Variants in EFL1 observed in about 807,000 individuals in gnomAD.
EFL1 encodes elongation factor like GTPase 1, also known as elongation factor-like GTPase 1.
Under a neutral mutation model 126.7 loss-of-function variants are expected in EFL1, and 76 were observed. The ratio of observed to expected loss-of-function variants is 0.60; its 90% CI spans 0.50 to 0.73. The LOEUF is 0.73. EFL1 is among the 30% of genes least tolerant of loss of function. The pLI, the probability that EFL1 is intolerant of heterozygous loss-of-function variation, is 0.00. For synonymous variants in EFL1, 410 were observed against 448.4 expected, an observed-to-expected ratio of 0.91 and a Z score of 1.08; for missense variants, 1,128 against 1,343.2, an observed-to-expected ratio of 0.84 and a Z score of 2.50.
chr15:82,140,343 A>G (rs1567037465), intron 18 of EFL1, among the ~76,000 whole-genome samples: 1 of 151,468 alleles, frequency 6.6e-6, no homozygotes, highest in African/African-American at 2.4e-5. Context: ...TTTTCCCCCA[A>G]TTTTCATTCT....
In EFL1 at chr15:82,227,582, A is replaced by G. The variant is rs745562964; in HGVS notation, c.1070-10T>C. The G allele has an allele frequency of 2.5e-6, 4 of 1,614,096 alleles. No individual in the cohort carries two copies. Among genetic ancestry groups the G allele is most frequent in the Non-Finnish European group, 2.5e-6 (3 of 1,179,958 alleles). On this transcript the variant is annotated splice_polypyrimidine_tract_variant and intron_variant, in intron 10 of 19. Coordinates refer to ENST00000268206, the MANE Select transcript of EFL1 (RefSeq NM_024580.6). Reference sequence around the variant, plus strand: ...TTCTGACACACCATAGCTGAAGTCTATTGTTAAGGACTGAAAACCTTGAGC... The same window carrying G: ...TTCTGACACACCATAGCTGAAGTCTGTTGTTAAGGACTGAAAACCTTGAGC...
chr15:82,185,605 T>C (rs1438157537), intron 15 of EFL1, among the ~76,000 whole-genome samples: 2 of 151,946 alleles, frequency 1.3e-5, no homozygotes, highest in Non-Finnish European at 2.9e-5. Flanking sequence ...ATAAAAAGCT[T>C]TTACCAATAA....
At chr15:82,230,662 G>T (rs1438366039) in intron 8 of EFL1, among the ~76,000 whole-genome samples, 186 bp downstream of exon 8, 2 of 152,088 alleles carry the variant, frequency 1.3e-5, no homozygotes, top group African/African-American at 4.8e-5. Flanking sequence ...AAAGGACTAA[G>T]AATTCTGTAT....
chr15:82,157,839 T>C lies in EFL1; in HGVS notation c.1904A>G (p.Lys635Arg). The C allele has an allele frequency of 1.9e-6, 3 of 1,613,190 alleles. No homozygotes were observed. The South Asian group carries it at 3.3e-5, about 18-fold the overall frequency. The change falls in exon 17 of 20, where the codon AAA (lysine) becomes AGA (arginine). Residue 635 changes from lysine (K) to arginine (R), a missense_variant. Around this residue, in one of 6 missense-constraint regions of EFL1, gnomAD observed 561 missense variants for 641.7 expected, o/e 0.87. Coordinates refer to ENST00000268206, the MANE Select transcript of EFL1 (RefSeq NM_024580.6). ...KHPSEMPQLV[K>R]GMKLLNQADP... ...AGCCTGGTTTAACAGTTTCATTCCTTTTACGAGCTGAGGCATTTCACCTAG... is the reference window on the plus strand; with the variant it reads ...AGCCTGGTTTAACAGTTTCATTCCTCTTACGAGCTGAGGCATTTCACCTAG...
chr15:82,187,501 C>T (rs1459167266), intron 15 of EFL1, among the ~76,000 whole-genome samples: 1 of 152,044 alleles, frequency 6.6e-6, no homozygotes, highest in Non-Finnish European at 1.5e-5. Flanking sequence ...AGCTTGTGCA[C>T]ATTATATTTT....
At chr15:82,205,450 C>T (rs1382410064) in intron 15 of EFL1, among the ~76,000 whole-genome samples, 1 of 152,046 alleles carries the variant, frequency 6.6e-6, no homozygotes, top group African/African-American at 2.4e-5. Flanking sequence ...GTATTATTGA[C>T]CATTTAAGTT....
intron 15 of EFL1, among the ~76,000 whole-genome samples, chr15:82,188,102 TCTAC>T (rs1489832390): frequency 1.3e-5 from 2 of 152,178 alleles, no homozygotes; most frequent in South Asian, 2.1e-4. Context: ...TGAAATTTCC[TCTAC>T]CTAACACTAA....
chr15:82,138,430 A>ATGTGTGTATGTGTGTG (rs2073747426), intron 19 of EFL1, among the ~76,000 whole-genome samples: 1 of 146,014 alleles, frequency 6.8e-6, no homozygotes, highest in East Asian at 2.0e-4. Flanking sequence ...GAGAGAGTGT[A>ATGTGTGTATGTGTGTG]TGTGTGTGTG....
Position 82,193,325 on chromosome 15 carries a change from A to G in EFL1, c.1750+21392T>C, listed in dbSNP as rs577298153. Among the ~76,000 whole-genome samples, 7 of 152,346 alleles carry G rather than the reference A, an allele frequency of 4.6e-5. No homozygotes were observed. In the East Asian group the frequency reaches 1.4e-3, roughly 29 times the overall value. On this transcript the variant is annotated intron_variant, in intron 15 of 19. Coordinates refer to ENST00000268206, the MANE Select transcript of EFL1 (RefSeq NM_024580.6). ...ACCACCATCAGATATTAGACACTGT[A>G]TTAAGCAGCTATGCAGTAACTTAGG...
At chr15:82,216,496 T>C (rs2074648122) in intron 14 of EFL1, among the ~76,000 whole-genome samples, 4 of 152,030 alleles carry the variant, frequency 2.6e-5, no homozygotes, top group South Asian at 4.1e-4. Flanking sequence ...CAGCACTGAA[T>C]AGAGATAGTT....
chr15:82,211,244 C>T (rs1246583617), intron 15 of EFL1, among the ~76,000 whole-genome samples: 2 of 151,836 alleles, frequency 1.3e-5, no homozygotes, highest in East Asian at 1.9e-4. Flanking sequence ...ACCAGACTCT[C>T]GGCTGGGCGC....
intron 15 of EFL1, among the ~76,000 whole-genome samples, chr15:82,195,560 G>A (rs1188361029): frequency 1.3e-5 from 2 of 152,132 alleles, no homozygotes; most frequent in Non-Finnish European, 2.9e-5. Flanking sequence ...TAATAAGCTG[G>A]ACCTCCAGTC....
At chr15:82,158,711 C>T (rs8042461) in intron 16 of EFL1, among the ~76,000 whole-genome samples, 5,506 of 152,308 alleles carry the variant, frequency 0.036, 149 homozygotes, top group African/African-American at 0.076. Flanking sequence ...TGATTTTCAA[C>T]ATGCCTTATA....
intron 15 of EFL1, among the ~76,000 whole-genome samples, chr15:82,212,248 T>C (rs145583665): frequency 0.017 from 2,568 of 152,376 alleles, 33 homozygotes; most frequent in South Asian, 0.031. Context: ...TTTAGGATTA[T>C]GACAAATCCC....
intron 19 of EFL1, among the ~76,000 whole-genome samples, chr15:82,132,222 C>T (rs1236454908): frequency 7.2e-5 from 11 of 152,102 alleles, no homozygotes; most frequent in Admixed American, 7.2e-4. Context: ...TGCCTGTGTC[C>T]TGGTGCTGAG....
chr15:82,181,405 T>C (rs1009677134), intron 15 of EFL1, among the ~76,000 whole-genome samples: 1 of 152,230 alleles, frequency 6.6e-6, no homozygotes, highest in African/African-American at 2.4e-5. Context: ...CTGATATACA[T>C]TCACTATCCT....
intron 15 of EFL1, among the ~76,000 whole-genome samples, chr15:82,186,839 A>G (rs2074308810): frequency 6.6e-6 from 1 of 152,012 alleles, no homozygotes; most frequent in Non-Finnish European, 1.5e-5. Context: ...CTCTTTGATG[A>G]TCGAGGCTTG....
intron 15 of EFL1, among the ~76,000 whole-genome samples, chr15:82,209,188 A>C (rs2141290014): frequency 6.6e-6 from 1 of 152,314 alleles, no homozygotes; most frequent in Middle Eastern, 3.4e-3. Context: ...AGTATCACAA[A>C]GTCTTAAGAA....
intron 15 of EFL1, among the ~76,000 whole-genome samples, chr15:82,199,952 G>A (rs1045363103): frequency 6.6e-6 from 1 of 152,140 alleles, no homozygotes; most frequent in Non-Finnish European, 1.5e-5. Context: ...ATTCAAAAAT[G>A]AATTATTGAT....
Sources: allele counts gnomAD v4.1 joint callset (sites outside exome capture counted in the v4.1 genomes callset), GRCh38; gene constraint gnomAD v4.1.1; regional missense constraint gnomAD v4.1.1; transcripts MANE v1.5; gene names NCBI Gene and HGNC (gene_info 2026-07-23, HGNC 2026-07-21).